The following RIN2 variants were observed in gnomAD, a reference collection of about 807,000 sequenced individuals.
RIN2 encodes RAB5 interacting protein 2.
Under a neutral mutation model 78.0 loss-of-function variants are expected in RIN2, and 36 were observed. The observed-to-expected ratio is 0.46, with a 90% CI of 0.35 to 0.61. The LOEUF is 0.61. Among genes scored for constraint, RIN2 ranks in the 20% least tolerant of loss-of-function variants. RIN2 has a pLI of 0.00. For missense variants in RIN2, 1,087 were observed against 1,159.7 expected (o/e 0.94, Z 0.91); for synonymous variants, 466 against 466.8 (o/e 1.00, Z 0.02).
At position 19,990,109 on chromosome 20, in the gene RIN2, G is replaced by T. The variant is rs1392479143; in HGVS notation, c.1866G>T (p.Lys622Asn). The T allele has an allele frequency of 5.0e-6, 8 of 1,600,840 alleles. No individual in the cohort carries two copies. In the Admixed American group the frequency reaches 6.9e-5, roughly 14 times the overall value. ...KDFHMADGSW[K>N]QLKENLQLVR... ...TTCACATGGCCGATGGCTCATGGAA[G>T]CAACTCAAGGAGAACCTGCAGCTTG... is the stretch of plus-strand genomic sequence containing the variant. Residue 622 changes from lysine (K) to asparagine (N), a missense_variant, in exon 10 of 13, where the codon AAG becomes AAT. Lys to Asn is a moderately conservative substitution (Grantham distance 94, BLOSUM62 0). This residue lies in a region of RIN2 where 97 missense variants were observed against 104.8 expected (regional missense o/e 0.93). Coordinates refer to ENST00000255006, the MANE Select transcript of RIN2 (RefSeq NM_018993.4).
At chr20:19,971,354 C>T (rs1434834063) in intron 8 of RIN2, among the ~76,000 whole-genome samples, 4 of 152,162 alleles carry the variant, frequency 2.6e-5, no homozygotes, top group Admixed American at 2.6e-4. Flanking sequence ...CTTGGTCTGG[C>T]AGCTGGGTAC....
intron 2 of RIN2, among the ~76,000 whole-genome samples, chr20:19,805,029 GC>G (rs1302454436): frequency 2.0e-5 from 3 of 152,082 alleles, no homozygotes; most frequent in Non-Finnish European, 4.4e-5. Context: ...ATTTAGGTAG[GC>G]ACTATTCTTA....
At chr20:19,927,729 T>C (rs1029946568) in intron 3 of RIN2, among the ~76,000 whole-genome samples, 1 of 151,508 alleles carries the variant, frequency 6.6e-6, no homozygotes, top group African/African-American at 2.4e-5. Context: ...TTTTACTTTT[T>C]TGTAGAGCCA....
Position 19,956,678 on chromosome 20 carries a change from C to A in RIN2, c.222C>A (p.Asp74Glu). 6.2e-7 allele frequency: 1 copy of A among 1,613,154 alleles called. No homozygotes were observed. The highest frequency in any genetic ancestry group is 1.6e-4 in the Middle Eastern group (1 of 6,062). Residue 74 changes from aspartate to glutamate, a missense_variant, in exon 5 of 13, where the codon GAC (aspartate) becomes GAA (glutamate). This residue lies in a region of RIN2 where 706 missense variants were observed against 667.5 expected (regional missense o/e 1.06). Coordinates refer to ENST00000255006, the MANE Select transcript of RIN2 (RefSeq NM_018993.4). ...AGGACGTGAAGACCTGTGCCCGGGA[C>A]TCAGGCTATGACAGCCTCTCCAACA... is the stretch of plus-strand genomic sequence containing the variant. ...EEEDVKTCAR[D>E]SGYDSLSNRL...
At chr20:19,825,455 C>T (rs993684764) in intron 2 of RIN2, among the ~76,000 whole-genome samples, 2 of 152,194 alleles carry the variant, frequency 1.3e-5, no homozygotes, top group African/African-American at 4.8e-5. Context: ...TGCCCTACTC[C>T]TCTCCCCTTC....
chr20:19,798,676 A>G (rs994898911), intron 1 of RIN2, among the ~76,000 whole-genome samples: 8 of 152,062 alleles, frequency 5.3e-5, no homozygotes, highest in Non-Finnish European at 1.0e-4. Flanking sequence ...GTAATAGGAT[A>G]TTGGAATGCA....
chr20:19,854,773 A>G (rs2037111108), intron 2 of RIN2, among the ~76,000 whole-genome samples: 2 of 152,102 alleles, frequency 1.3e-5, no homozygotes, highest in Admixed American at 6.6e-5. Context: ...GCTTAAGGAG[A>G]TTTTGGGCTG....
intron 2 of RIN2, among the ~76,000 whole-genome samples, chr20:19,880,308 G>A (rs938592026): frequency 3.3e-5 from 5 of 149,728 alleles, no homozygotes; most frequent in Non-Finnish European, 7.4e-5. Context: ...CATGGTATGT[G>A]TGTTGCTGGC....
chr20:19,812,337 T>C (rs1338646751), intron 2 of RIN2, among the ~76,000 whole-genome samples: 2 of 152,230 alleles, frequency 1.3e-5, no homozygotes, highest in African/African-American at 2.4e-5. Context: ...CCATCAACTA[T>C]GTATGGTGCT....
In RIN2 at chr20:19,900,730, G is replaced by A. The variant is rs557301893; in HGVS notation, c.57+11072G>A. Among the ~76,000 whole-genome samples the A allele has an allele frequency of 1.6e-3, 246 of 151,770 alleles. 1 individual carries two copies. Among genetic ancestry groups the A allele is most frequent in the African/African-American group, 5.5e-3 (229 of 41,400 alleles). ...CTTTGGGAGTCCAAGGTGGGCAGAT[G>A]TCCTGAGGTCGGGAGTCCCAGACCA... On this transcript the variant is annotated intron_variant, in intron 3 of 12. Transcript: ENST00000255006.
intron 3 of RIN2, among the ~76,000 whole-genome samples, chr20:19,899,339 T>A (rs1046279325): frequency 2.0e-5 from 3 of 152,212 alleles, no homozygotes; most frequent in African/African-American, 7.2e-5. Flanking sequence ...ATATGTCCAG[T>A]GGTCCGAGGT....
intron 9 of RIN2, among the ~76,000 whole-genome samples, chr20:19,988,790 T>A (rs961669697): frequency 1.3e-5 from 2 of 152,136 alleles, no homozygotes; most frequent in African/African-American, 4.8e-5. Flanking sequence ...TTGAAATCAT[T>A]TCAGATTTCC....
At chr20:19,827,348 T>C (rs1175854430) in intron 2 of RIN2, among the ~76,000 whole-genome samples, 1 of 152,206 alleles carries the variant, frequency 6.6e-6, no homozygotes, top group African/African-American at 2.4e-5. Flanking sequence ...TAGCTTGTCT[T>C]GGGAAACCCA....
intron 3 of RIN2, among the ~76,000 whole-genome samples, chr20:19,910,860 G>A (rs1403866693): frequency 6.6e-6 from 1 of 150,960 alleles, no homozygotes; most frequent in Non-Finnish European, 1.5e-5. Flanking sequence ...GAGCCACACC[G>A]CACCCAGCCA....
chr20:19,833,696 A>G (rs1235382340), intron 2 of RIN2, among the ~76,000 whole-genome samples: 1 of 152,208 alleles, frequency 6.6e-6, no homozygotes, highest in African/African-American at 2.4e-5. Context: ...CAGATCTTCA[A>G]GCCTGGGCTG....
chr20:19,861,241 C>T (rs576659413), intron 2 of RIN2, among the ~76,000 whole-genome samples: 1 of 152,272 alleles, frequency 6.6e-6, no homozygotes, highest in East Asian at 1.9e-4. Context: ...CTCAAAAGTC[C>T]CACCTCCTTA....
intron 2 of RIN2, among the ~76,000 whole-genome samples, chr20:19,866,831 A>G (rs752073191): frequency 5.9e-5 from 9 of 151,902 alleles, no homozygotes; most frequent in Admixed American, 2.0e-4. Flanking sequence ...CACTATGTTG[A>G]CCAGGCTGAT....
chr20:19,867,852 T>G (rs2037557254), intron 2 of RIN2, among the ~76,000 whole-genome samples: 1 of 152,222 alleles, frequency 6.6e-6, no homozygotes. Context: ...GTATTTAGAC[T>G]TTGCTGGATG....
chr20:19,894,105 T>TA lies in RIN2; in HGVS notation c.57+4447_57+4448insA, dbSNP rs534239091. On this transcript the variant is annotated intron_variant, in intron 3 of 12. Transcript: ENST00000255006. ...ACAAAAACAACAACAAAACACGTGG[T>TA]GGGGAGAAGGGGTAACACCCTACAC... Among the ~76,000 whole-genome samples, 344 of 152,048 alleles carry TA rather than the reference T, an allele frequency of 2.3e-3. 1 individual carries two copies. The highest frequency in any genetic ancestry group is 7.8e-3 in the African/African-American group (322 of 41,444).
Sources: allele counts gnomAD v4.1 joint callset (sites outside exome capture counted in the v4.1 genomes callset), GRCh38; gene constraint gnomAD v4.1.1; regional missense constraint gnomAD v4.1.1; transcripts MANE v1.5; gene names NCBI Gene and HGNC (gene_info 2026-07-23, HGNC 2026-07-21).